Variants in GFRA1 observed in about 807,000 individuals in gnomAD.
GFRA1 encodes the protein GDNF family receptor alpha-1.
Under a neutral mutation model 51.6 loss-of-function variants are expected in GFRA1, and 16 were observed. The ratio of observed to expected loss-of-function variants is 0.31; its 90% confidence interval spans 0.21 to 0.47. The LOEUF is 0.47. Ranked by LOEUF, GFRA1 falls within the 20% of genes least tolerant of loss-of-function variation. GFRA1 has a pLI of 1.00. For missense variants in GFRA1, 530 were observed against 594.3 expected (o/e 0.89, Z 1.13); for synonymous variants, 270 against 241.3 (o/e 1.12, Z -1.10).
intron 4 of GFRA1, among the ~76,000 whole-genome samples, chr10:116,214,293 T>C (rs772326152): frequency 2.4e-4 from 37 of 152,216 alleles, no homozygotes; most frequent in Admixed American, 2.4e-3. Flanking sequence ...GTTGCAATTA[T>C]AGCTCATATT....
chr10:116,112,281 GC>G, intron 6 of GFRA1, among the ~76,000 whole-genome samples: 1 of 152,278 alleles, frequency 6.6e-6, no homozygotes, highest in South Asian at 2.1e-4. Context: ...GTTAGATGAA[GC>G]CAGCTAACTC....
At chr10:116,240,291 A>G (rs952376035) in intron 4 of GFRA1, among the ~76,000 whole-genome samples, 6 of 152,132 alleles carry the variant, frequency 3.9e-5, no homozygotes, top group African/African-American at 1.4e-4. Context: ...CTGGAAGAGA[A>G]GACCTCTCAA....
At chr10:116,135,556 TA>T (rs987873504) in intron 5 of GFRA1, among the ~76,000 whole-genome samples, 2 of 152,306 alleles carry the variant, frequency 1.3e-5, no homozygotes, top group African/African-American at 4.8e-5. Flanking sequence ...TGTCTCCCAT[TA>T]AAAAGATATT....
At chr10:116,191,779 C>T (rs1323690025) in intron 5 of GFRA1, among the ~76,000 whole-genome samples, 1 of 152,204 alleles carries the variant, frequency 6.6e-6, no homozygotes, top group African/African-American at 2.4e-5. Flanking sequence ...GTAATCCCAG[C>T]ACTTTGGGAG....
At chr10:116,182,188 T>G (rs562898100) in intron 5 of GFRA1, among the ~76,000 whole-genome samples, 3 of 151,896 alleles carry the variant, frequency 2.0e-5, no homozygotes, top group African/African-American at 7.2e-5. Context: ...GATAAACCAA[T>G]GAAAAGGACT....
At chr10:116,097,309 C>T (rs1389199240) in intron 6 of GFRA1, among the ~76,000 whole-genome samples, 4 of 152,138 alleles carry the variant, frequency 2.6e-5, no homozygotes, top group Non-Finnish European at 2.9e-5. Flanking sequence ...TTATTCCAGC[C>T]GAGTGGCACT....
chr10:116,251,309 G>A (rs1968337136), intron 4 of GFRA1, among the ~76,000 whole-genome samples: 1 of 152,212 alleles, frequency 6.6e-6, no homozygotes, highest in South Asian at 2.1e-4. Context: ...TCTTGACAAA[G>A]CTCCGAAGAG....
At chr10:116,093,658 G>A in intron 8 of GFRA1, 44 bp downstream of exon 8, 1 of 1,586,866 alleles carries the variant, frequency 6.3e-7, no homozygotes. Context: ...GCTCGGAGAA[G>A]AAAATGCGTT....
At chr10:116,130,321 A>G (rs1958055327) in intron 5 of GFRA1, among the ~76,000 whole-genome samples, 1 of 152,068 alleles carries the variant, frequency 6.6e-6, no homozygotes, top group Non-Finnish European at 1.5e-5. Flanking sequence ...CAAAGAAGGT[A>G]TATACTAGGC....
At chr10:116,246,688 A>G (rs950073955) in intron 4 of GFRA1, among the ~76,000 whole-genome samples, 1 of 152,244 alleles carries the variant, frequency 6.6e-6, no homozygotes, top group African/African-American at 2.4e-5. Flanking sequence ...ATAGTAAATT[A>G]AAAGCAAAAT....
In GFRA1 at chr10:116,253,049, CTA is replaced by C. The variant is rs1968518999; in HGVS notation, c.418+16452_418+16453del. Among the ~76,000 whole-genome samples the C allele has an allele frequency of 2.0e-5, 3 of 152,348 alleles. No homozygotes were observed. In the South Asian group the frequency reaches 6.2e-4, roughly 32 times the overall value. ...AAAGAGAAGGCAAGTTCAATACAGA[CTA>C]TGTTTGAGTTATGGCCAGGATATCT... On this transcript the variant is annotated intron_variant, in intron 4 of 10. Transcript: ENST00000355422.
At chr10:116,274,226 G>T (rs1428482785), upstream of GFRA1, among the ~76,000 whole-genome samples, 2 of 150,108 alleles carry the variant, frequency 1.3e-5, no homozygotes, top group East Asian at 3.9e-4. Flanking sequence ...CCGGGGCACC[G>T]AAGTCTACAC....
At chr10:116,255,600 C>CA (rs1215916681) in intron 4 of GFRA1, 69 of 1,288,754 alleles carry the variant, frequency 5.4e-5, no homozygotes, top group Non-Finnish European at 6.7e-5. Context: ...GCTGGGTACA[C>CA]GCCCTTTCCT....
At chr10:116,185,059 C>G (rs1416049865) in intron 5 of GFRA1, among the ~76,000 whole-genome samples, 1 of 152,066 alleles carries the variant, frequency 6.6e-6, no homozygotes, top group African/African-American at 2.4e-5. Context: ...CTTAGCTGTT[C>G]TGAATGTAAG....
intron 7 of GFRA1, among the ~76,000 whole-genome samples, chr10:116,094,602 C>A (rs779973136): frequency 6.6e-6 from 1 of 152,102 alleles, no homozygotes; most frequent in African/African-American, 2.4e-5. Flanking sequence ...CAGGCAATGC[C>A]CGCTGATGAC....
chr10:116,133,403 G>A (rs1287344631), intron 5 of GFRA1, among the ~76,000 whole-genome samples: 1 of 152,104 alleles, frequency 6.6e-6, no homozygotes, highest in Non-Finnish European at 1.5e-5. Context: ...GGCAACCGAG[G>A]GTGAGATCCC....
chr10:116,192,002 C>T (rs945864633), intron 5 of GFRA1, among the ~76,000 whole-genome samples: 7 of 152,030 alleles, frequency 4.6e-5, no homozygotes, highest in Non-Finnish European at 8.8e-5. Flanking sequence ...ACTCCAGCCT[C>T]GGGGACAAGA....
At chr10:116,123,326 C>A (rs1957723181) in intron 6 of GFRA1, among the ~76,000 whole-genome samples, 1 of 152,174 alleles carries the variant, frequency 6.6e-6, no homozygotes, top group Admixed American at 6.5e-5. Flanking sequence ...TGTTTCTTCC[C>A]AAGATGCAAA....
intron 5 of GFRA1, among the ~76,000 whole-genome samples, chr10:116,137,063 C>A (rs1304285110): frequency 6.6e-6 from 1 of 152,166 alleles, no homozygotes; most frequent in Admixed American, 6.5e-5. Context: ...ATGTGTTCTT[C>A]GTAGGCTCAT....
Sources: gnomAD v4.1 joint callset for allele counts (sites outside exome capture counted in the v4.1 genomes callset) on GRCh38, gnomAD v4.1.1 for gene constraint, MANE v1.5 for transcripts, NCBI Gene and HGNC (gene_info 2026-07-23, HGNC 2026-07-21) for gene names.